Variants in PDE4A observed in about 807,000 individuals in gnomAD.
PDE4A encodes 3',5'-cyclic-AMP phosphodiesterase 4A.
PDE4A carries 21 observed loss-of-function variants against 73.9 expected under a neutral mutation model. The observed-to-expected ratio is 0.28, with a 90% CI of 0.20 to 0.41. The LOEUF is 0.41. PDE4A is among the 10% of genes least tolerant of loss of function. The pLI is 1.00. For missense variants in PDE4A, 958 were observed against 1,211.4 expected (o/e 0.79, Z 3.10); for synonymous variants, 463 against 505.4 (o/e 0.92, Z 1.13).
chr19:10,420,908 C>T lies in PDE4A; in HGVS notation c.144C>T (p.Tyr48=), dbSNP rs1373269225. 3.2e-6 allele frequency: 5 copies of T among 1,586,446 alleles called. No individual in the cohort carries two copies. The highest frequency in any genetic ancestry group is 4.3e-6 in the Non-Finnish European group (5 of 1,174,926). ...RTPIRIQQRG[Y]SDSAERAERE... ...CCATCCGTATCCAGCAGCGCGGCTA[C>T]TCCGACAGCGCGGAGCGCGCCGAGC... Residue 48 remains tyrosine (Y), a synonymous_variant, in exon 1 of 15, where the codon TAC becomes TAT. Transcript: ENST00000380702. This position sits in a 1 kb window ranked among gnomAD's most constrained non-coding sequence, Gnocchi z 6.0.
upstream of PDE4A, chr19:10,417,300 G>A: frequency 2.0e-6 from 2 of 984,888 alleles, no homozygotes; most frequent in African/African-American, 1.7e-5. Context: ...ATGGGAGGGG[G>A]GCATTGACAT....
rs1175152878 is a variant in PDE4A at position 10,449,127 on chromosome 19, C to CA, written c.599dup (p.Asn200LysfsTer7). ...TCCGTAGCAACTTCTCACTCCTGAC[C>CA]AATGTGCCCGTTCCCAGTAACAAGT... On this transcript the variant is annotated frameshift_variant, in exon 4 of 15. Transcript: ENST00000380702. LOFTEE classifies it high-confidence loss of function. 6.2e-7 allele frequency: 1 copy of CA among 1,613,742 alleles called. No individual in the cohort carries two copies. Among genetic ancestry groups the CA allele is most frequent in the South Asian group, 1.1e-5 (1 of 90,970 alleles).
chr19:10,454,391 G>T (rs2043140568), intron 6 of PDE4A, among the ~76,000 whole-genome samples: 2 of 152,232 alleles, frequency 1.3e-5, no homozygotes, highest in Admixed American at 1.3e-4. Flanking sequence ...GGAAGGCAAG[G>T]GTTAAGGGGC....
At chr19:10,421,366 T>C (rs908338750) in intron 1 of PDE4A, 1 of 983,094 alleles carries the variant, frequency 1.0e-6, no homozygotes, top group African/African-American at 1.8e-5. Flanking sequence ...CACTTAGGGG[T>C]CTGTATTCTT....
chr19:10,466,369 C>G (rs1282316159), intron 14 of PDE4A, among the ~76,000 whole-genome samples: 2 of 134,566 alleles, frequency 1.5e-5, no homozygotes, highest in South Asian at 2.5e-4. Context: ...GGCGTGAGCC[C>G]GGGAGGCAGA....
In PDE4A at chr19:10,448,961, C is replaced by T; in HGVS notation, c.549+8C>T. On this transcript the variant is annotated splice_region_variant and intron_variant, in intron 3 of 14. Transcript: ENST00000380702. ...GTAACACCATTTGCTCAGGTGAGACCTCTTCCCAAATGGTTAAGGAGAGAA... is the reference window on the plus strand; with the variant it reads ...GTAACACCATTTGCTCAGGTGAGACTTCTTCCCAAATGGTTAAGGAGAGAA... The T allele has an allele frequency of 3.1e-6, 5 of 1,613,680 alleles. No individual in the cohort carries two copies. Among genetic ancestry groups the T allele is most frequent in the Non-Finnish European group, 4.2e-6 (5 of 1,179,820 alleles).
At chr19:10,440,264 A>G (rs1184539060) in intron 1 of PDE4A, among the ~76,000 whole-genome samples, 1 of 151,886 alleles carries the variant, frequency 6.6e-6, no homozygotes, top group Non-Finnish European at 1.5e-5. Context: ...GATTACAGGC[A>G]TGAGCCACCT....
chr19:10,446,580 T>TC (rs1398467682), intron 2 of PDE4A, among the ~76,000 whole-genome samples, 171 bp downstream of exon 2: 1 of 148,446 alleles, frequency 6.7e-6, no homozygotes, highest in Non-Finnish European at 1.5e-5. Context: ...AGGGCTCAGT[T>TC]CCTTTTTTTT....
At chr19:10,461,408 G>C in intron 11 of PDE4A, 118 bp from the exon 12 acceptor site, 1 of 1,535,452 alleles carries the variant, frequency 6.5e-7, no homozygotes, top group Non-Finnish European at 8.7e-7. Context: ...GAGCTGACTG[G>C]GCTGGAGGCG....
chr19:10,436,321 C>A (rs559441585), intron 1 of PDE4A, among the ~76,000 whole-genome samples: 7 of 151,898 alleles, frequency 4.6e-5, no homozygotes, highest in Non-Finnish European at 7.4e-5. Context: ...TTTGGGAGGC[C>A]GAGGCAGGTG....
At chr19:10,418,147 G>T (rs773963937), upstream of PDE4A, among the ~76,000 whole-genome samples, 1 of 152,216 alleles carries the variant, frequency 6.6e-6, no homozygotes, top group African/African-American at 2.4e-5. Flanking sequence ...TATTCACAGA[G>T]CTGGGGCAGG....
intron 1 of PDE4A, among the ~76,000 whole-genome samples, chr19:10,434,364 CCCAG>C (rs1455034422): frequency 1.3e-5 from 2 of 151,802 alleles, no homozygotes; most frequent in Non-Finnish European, 2.9e-5. Flanking sequence ...GCCACCATAG[CCCAG>C]CTAATTTTTT....
intron 1 of PDE4A, among the ~76,000 whole-genome samples, chr19:10,426,362 C>T (rs1417989351): frequency 1.3e-5 from 2 of 152,088 alleles, no homozygotes; most frequent in Admixed American, 6.6e-5. Context: ...GCATTGAATT[C>T]GGCCCAACAC....
At chr19:10,430,909 T>TGGCGGC (rs2145468857) in intron 1 of PDE4A, 8 of 1,475,824 alleles carry the variant, frequency 5.4e-6, no homozygotes, top group Non-Finnish European at 7.2e-6. Flanking sequence ...CCGGTGGCGG[T>TGGCGGC]GGCGGCTGAG....
intron 7 of PDE4A, among the ~76,000 whole-genome samples, chr19:10,457,603 C>T (rs1480070368): frequency 1.3e-5 from 2 of 152,074 alleles, no homozygotes; most frequent in South Asian, 2.1e-4. Context: ...ATCCCCACCT[C>T]GCTTTCTGAC....
chr19:10,428,995 C>A, intron 1 of PDE4A: 1 of 508,332 alleles, frequency 2.0e-6, no homozygotes, highest in Non-Finnish European at 2.5e-6. Context: ...ATCCCAGCTA[C>A]TTGGGAGGCT....
In PDE4A at chr19:10,467,508, C is replaced by A. The variant is rs200838154; in HGVS notation, c.2548C>A (p.Arg850=). Residue 850 remains arginine, a synonymous_variant, in exon 15 of 15, where the codon CGA becomes AGA. Coordinates refer to ENST00000380702, the MANE Select transcript of PDE4A (RefSeq NM_001111307.2). ...CACGGCGGCCGAGGTGGAGGCCCAA[C>A]GAGAGCACCAGGCTGCCAAGAGGGC... ...PSTAAEVEAQ[R]EHQAAKRACS... The A allele has an allele frequency of 3.7e-6, 6 of 1,612,676 alleles. No homozygotes were observed. The highest frequency in any genetic ancestry group is 3.4e-6 in the Non-Finnish European group (4 of 1,179,816).
intron 1 of PDE4A, among the ~76,000 whole-genome samples, chr19:10,429,596 C>G (rs997777792): frequency 6.6e-6 from 1 of 152,186 alleles, no homozygotes; most frequent in Non-Finnish European, 1.5e-5. Context: ...CCTTCACCTC[C>G]CAAAGTGCTG....
chr19:10,467,832 TGA>T lies in PDE4A; in HGVS notation c.*213_*214del, dbSNP rs2043406714. The T allele has an allele frequency of 2.5e-6, 1 of 404,204 alleles. No individual in the cohort carries two copies. The highest frequency in any genetic ancestry group is 1.2e-4 in the South Asian group (1 of 8,168). The allele number at this position is 404,204 out of a possible 1,614,324, so 25.0% of individuals were successfully genotyped here. On this transcript the variant is annotated 3_prime_UTR_variant, in exon 15 of 15. Coordinates refer to ENST00000380702, the MANE Select transcript of PDE4A (RefSeq NM_001111307.2). Reference sequence around the variant, plus strand: ...TTTTTTGGAGGTGGGGGCTGGGGAATGAGGGGCTGAGGTCCCGGAAGGGATTT... The same window carrying T: ...TTTTTTGGAGGTGGGGGCTGGGGAATGGGGCTGAGGTCCCGGAAGGGATTT...
Sources: allele counts gnomAD v4.1 joint callset (sites outside exome capture counted in the v4.1 genomes callset), GRCh38; gene constraint gnomAD v4.1.1; non-coding constraint Gnocchi (gnomAD v3.1); transcripts MANE v1.5; gene names NCBI Gene and HGNC (gene_info 2026-07-23, HGNC 2026-07-21).